Variants in IGSF11 observed in about 807,000 individuals in gnomAD.
IGSF11 encodes the protein CXADR like 1.
Under a neutral mutation model 41.0 loss-of-function variants are expected in IGSF11, and 22 were observed. The observed-to-expected ratio is 0.54, with a 90% CI of 0.38 to 0.77. IGSF11 has a LOEUF of 0.77. Ranked by LOEUF, IGSF11 falls within the 30% of genes least tolerant of loss-of-function variation. The pLI, the probability that IGSF11 is intolerant of heterozygous loss-of-function variation, is 0.00. For synonymous variants in IGSF11, 219 were observed against 201.3 expected (o/e 1.09, Z -0.74); for missense variants, 444 against 530.8 (o/e 0.84, Z 1.61).
In IGSF11 at chr3:118,949,024, T is replaced by A. The variant is rs77611503; in HGVS notation, c.53-18749A>T. Among the ~76,000 whole-genome samples the A allele has an allele frequency of 4.0e-3, 600 of 151,594 alleles. 4 individuals are homozygous for A. Among genetic ancestry groups the A allele is most frequent in the Non-Finnish European group, 6.6e-3 (446 of 67,886 alleles). ...ATTACATTTAAAGGCACAATTTTTT[T>A]ATATAAAATGATAACGAAGGCAAAG... is the stretch of plus-strand genomic sequence containing the variant. On this transcript the variant is annotated intron_variant, in intron 1 of 6. Coordinates refer to ENST00000393775, the MANE Select transcript of IGSF11 (RefSeq NM_001015887.3).
At chr3:119,106,226 TTAG>T (rs2077020322), upstream of IGSF11, among the ~76,000 whole-genome samples, 1 of 152,186 alleles carries the variant, frequency 6.6e-6, no homozygotes, top group Non-Finnish European at 1.5e-5. Context: ...TTATACTTTT[TTAG>T]TTGTTTTTAA....
intron 1 of IGSF11, among the ~76,000 whole-genome samples, chr3:119,142,495 GTCT>G (rs1263827494): frequency 6.6e-6 from 1 of 151,942 alleles, no homozygotes; most frequent in Non-Finnish European, 1.5e-5. Context: ...TAAATCAACT[GTCT>G]TAAAAATGTT....
chr3:118,980,399 T>C (rs1934592114), intron 1 of IGSF11, among the ~76,000 whole-genome samples: 1 of 152,196 alleles, frequency 6.6e-6, no homozygotes, highest in Non-Finnish European at 1.5e-5. Context: ...TAAGTCATTA[T>C]GTTAAGGGAA....
At chr3:119,056,553 G>T (rs1297218030) in intron 1 of IGSF11, among the ~76,000 whole-genome samples, 1 of 152,266 alleles carries the variant, frequency 6.6e-6, no homozygotes, top group African/African-American at 2.4e-5. Flanking sequence ...ACAAGGAGGG[G>T]CTGTTACCAT....
chr3:119,113,160 G>A (rs2077206975), intron 1 of IGSF11, among the ~76,000 whole-genome samples: 1 of 152,146 alleles, frequency 6.6e-6, no homozygotes, highest in Non-Finnish European at 1.5e-5. Context: ...AGATTTGGGT[G>A]GGGACAGAAA....
chr3:119,121,471 A>T (rs925471105), intron 1 of IGSF11, among the ~76,000 whole-genome samples: 2 of 152,172 alleles, frequency 1.3e-5, no homozygotes, highest in Non-Finnish European at 2.9e-5. Flanking sequence ...CAGGCAGAAG[A>T]ATTATCAAAT....
At chr3:118,958,198 C>T (rs1945096427) in intron 1 of IGSF11, among the ~76,000 whole-genome samples, 1 of 152,102 alleles carries the variant, frequency 6.6e-6, no homozygotes, top group Non-Finnish European at 1.5e-5. Flanking sequence ...TCAAAGTCTA[C>T]TAAAAGAAAG....
At position 118,936,299 on chromosome 3, in the gene IGSF11, G is replaced by A. The variant is rs1943270763; in HGVS notation, c.53-6024C>T. On this transcript the variant is annotated intron_variant, in intron 1 of 6. Transcript: ENST00000393775. ...AGGCAGGCAGATCACTTGAGGTCGG[G>A]AGTTCGAGACCAGCCTGGCCAACAT... Among the ~76,000 whole-genome samples the A allele has an allele frequency of 1.3e-5, 2 of 152,000 alleles. 1 individual carries two copies. The highest frequency in any genetic ancestry group is 1.3e-4 in the Admixed American group (2 of 15,246).
intron 1 of IGSF11, among the ~76,000 whole-genome samples, chr3:119,085,973 T>C (rs2076664847): frequency 6.6e-6 from 1 of 152,242 alleles, no homozygotes; most frequent in Admixed American, 6.5e-5. Flanking sequence ...AAGGCCCTGT[T>C]ACAGAGTTTT....
intron 1 of IGSF11, among the ~76,000 whole-genome samples, chr3:118,952,212 T>C (rs1010709106): frequency 6.6e-6 from 1 of 152,192 alleles, no homozygotes; most frequent in Non-Finnish European, 1.5e-5. Flanking sequence ...TTTTTGCTAA[T>C]AGAAGGTCTT....
intron 1 of IGSF11, among the ~76,000 whole-genome samples, chr3:119,051,686 T>C (rs1453006038): frequency 6.6e-6 from 1 of 152,168 alleles, no homozygotes. Flanking sequence ...ATTCTATTTA[T>C]CAGCACATGG....
intron 1 of IGSF11, among the ~76,000 whole-genome samples, chr3:119,043,913 G>C (rs1010910956): frequency 6.6e-6 from 1 of 152,128 alleles, no homozygotes; most frequent in Non-Finnish European, 1.5e-5. Flanking sequence ...CTGAACAGCA[G>C]CCCTTGAGTT....
At chr3:119,016,806 C>G (rs931855883) in intron 1 of IGSF11, among the ~76,000 whole-genome samples, 1 of 152,130 alleles carries the variant, frequency 6.6e-6, no homozygotes. Context: ...CTGTGCTAGT[C>G]TAAATCCCAC....
intron 1 of IGSF11, among the ~76,000 whole-genome samples, chr3:119,139,203 C>T (rs147135299): frequency 6.6e-5 from 10 of 152,032 alleles, no homozygotes; most frequent in South Asian, 2.1e-4. Context: ...ATATATTTCC[C>T]GGTAAATAAA....
In IGSF11 at chr3:119,015,416, C is replaced by T. The variant is rs563757985; in HGVS notation, c.52+19115G>A. On this transcript the variant is annotated intron_variant, in intron 1 of 6. Coordinates refer to ENST00000393775, the MANE Select transcript of IGSF11 (RefSeq NM_001015887.3). ...AACCCTGTCACTTCACTAAGGAATC[C>T]GTTATAAACCTGGAGGACACGAACT... 1.6e-3 allele frequency among the ~76,000 whole-genome samples: 237 copies of T among 152,178 alleles called. 1 individual carries two copies. Among genetic ancestry groups the T allele is most frequent in the Non-Finnish European group, 2.4e-3 (166 of 68,010 alleles).
rs980483892 is a variant in IGSF11 at position 118,933,487 on chromosome 3, T to C, written c.53-3212A>G. Among the ~76,000 whole-genome samples the C allele has an allele frequency of 9.0e-3, 1,353 of 149,960 alleles. 30 individuals are homozygous for C. Among genetic ancestry groups the C allele is most frequent in the African/African-American group, 0.032 (1,288 of 40,566 alleles). Reference sequence around the variant, plus strand: ...TGTATTTTTTATATATATATATATATATACACACACACACACATATGTATA... The same window carrying C: ...TGTATTTTTTATATATATATATATACATACACACACACACACATATGTATA... On this transcript the variant is annotated intron_variant, in intron 1 of 6. Transcript: ENST00000393775.
At chr3:119,043,479 C>CA (rs1941200305) in intron 1 of IGSF11, among the ~76,000 whole-genome samples, 1 of 152,166 alleles carries the variant, frequency 6.6e-6, no homozygotes, top group Non-Finnish European at 1.5e-5. Flanking sequence ...ATGTCTCTCA[C>CA]AACCATGCTC....
At chr3:119,097,527 C>A (rs917328036) in intron 1 of IGSF11, among the ~76,000 whole-genome samples, 1 of 151,970 alleles carries the variant, frequency 6.6e-6, no homozygotes, top group Admixed American at 6.6e-5. Context: ...CCAAACCTGG[C>A]CTTCCTGAGG....
At chr3:118,996,593 T>G (rs1043870549) in intron 1 of IGSF11, among the ~76,000 whole-genome samples, 8 of 148,526 alleles carry the variant, frequency 5.4e-5, no homozygotes, top group African/African-American at 1.5e-4. Flanking sequence ...ACATGTCTTG[T>G]TTTTTTTTTG....
Sources: gnomAD v4.1 joint callset for allele counts (sites outside exome capture counted in the v4.1 genomes callset) on GRCh38, gnomAD v4.1.1 for gene constraint, MANE v1.5 for transcripts, NCBI Gene and HGNC (gene_info 2026-07-23, HGNC 2026-07-21) for gene names.